KCNQ1OT1: variants seen among roughly 807,000 people sequenced by gnomAD.
KCNQ1OT1 encodes the protein KCNQ1 opposite strand/antisense transcript 1, also known as KCNQ1 antisense RNA 2 (non-protein coding).
At chr11:2,660,714 GCTTCATTCAACA>G (rs1184611504) in exon 1 of KCNQ1OT1, 2 of 398,614 alleles carry the variant, frequency 5.0e-6, no homozygotes, top group Non-Finnish European at 8.8e-6. Flanking sequence ...CTTCATTCGG[GCTTCATTCAACA>G]CTTCATTCAG....
At chr11:2,649,790 A>G (rs373144795) in exon 1 of KCNQ1OT1, 1 of 398,408 alleles carries the variant, frequency 2.5e-6, no homozygotes. Flanking sequence ...TTAGGGTTGA[A>G]TCTATTTAGG....
exon 1 of KCNQ1OT1, chr11:2,667,466 G>C: frequency 2.5e-6 from 1 of 398,642 alleles, no homozygotes. Flanking sequence ...AGCAGATGGT[G>C]TTGGAGGATG....
At chr11:2,641,938 C>T in exon 1 of KCNQ1OT1, 1 of 398,414 alleles carries the variant, frequency 2.5e-6, no homozygotes, top group East Asian at 3.6e-5. Context: ...AATCAGTTGG[C>T]TGTAAATACA....
exon 1 of KCNQ1OT1, chr11:2,640,210 T>C (rs549880737): frequency 6.3e-5 from 25 of 393,710 alleles, no homozygotes; most frequent in Non-Finnish European, 4.5e-6. Context: ...CTGCACCCAC[T>C]GTCCTGTACC....
rs1055097800 is a variant in KCNQ1OT1, at chr11:2,690,128, G to A, written n.9867C>T. ...CCGGGGTTAGAACTGGGGGAGCAGG[G>A]ACAAAAAGCGGGCAGCCCTCCCCAG... is the stretch of plus-strand genomic sequence containing the variant. On this transcript the variant is annotated non_coding_transcript_exon_variant, in exon 1 of 1. Coordinates refer to ENST00000597346, the Ensembl canonical transcript of KCNQ1OT1. The surrounding 1 kb of genome is among the most constrained non-coding windows in gnomAD (Gnocchi z 5.1). The A allele has an allele frequency of 5.0e-6, 2 of 398,854 alleles. No individual in the cohort carries two copies. Among genetic ancestry groups the A allele is most frequent in the Admixed American group, 4.4e-5 (1 of 22,724 alleles). 24.7% of individuals were successfully genotyped at this position (398,854 alleles called of 1,614,324 possible).
In KCNQ1OT1 at chr11:2,663,019, G is replaced by C. The variant is rs548858548; in HGVS notation, n.36976C>G. 9 of 398,722 alleles carry C rather than the reference G, an allele frequency of 2.3e-5. No individual in the cohort carries two copies. In the East Asian group the frequency reaches 2.5e-4, roughly 11 times the overall value. The allele number at this position is 398,722 out of a possible 1,614,324, so 24.7% of individuals were successfully genotyped here. A position where few individuals can be genotyped will look rare whatever the true frequency, so the allele number is the denominator to read the frequency against. On this transcript the variant is annotated non_coding_transcript_exon_variant, in exon 1 of 1. Coordinates refer to ENST00000597346, the Ensembl canonical transcript of KCNQ1OT1. This position sits in a 1 kb window ranked among gnomAD's most constrained non-coding sequence, Gnocchi z 5.2. ...CCTTGCAAATCACTGAGGAAATCGGGACCCATGGTGCTGGGGGCTGCAGGT... is the reference window on the plus strand; with the variant it reads ...CCTTGCAAATCACTGAGGAAATCGGCACCCATGGTGCTGGGGGCTGCAGGT...
Position 2,621,641 on chromosome 11 carries a change from T to A in KCNQ1OT1, n.78354A>T. 2.5e-6 allele frequency: 1 copy of A among 398,544 alleles called. No homozygotes were observed. The allele number at this position is 398,544 out of a possible 1,614,324, so 24.7% of individuals were successfully genotyped here. ...GGTTTTTTTCTAGGAATTTGTCCAT[T>A]TCCTCTAGGTTATCCAATTTGTTGG... On this transcript the variant is annotated non_coding_transcript_exon_variant, in exon 1 of 1. Coordinates refer to ENST00000597346, the Ensembl canonical transcript of KCNQ1OT1. This position sits in a 1 kb window ranked among gnomAD's most constrained non-coding sequence, Gnocchi z 5.7.
At position 2,692,848 on chromosome 11, in the gene KCNQ1OT1, T is replaced by C. The variant is rs147775239; in HGVS notation, n.7147A>G. The C allele has an allele frequency of 1.8e-3, 706 of 398,554 alleles. No individual in the cohort carries two copies. Among genetic ancestry groups the C allele is most frequent in the Admixed American group, 3.9e-3 (88 of 22,742 alleles). 24.7% of individuals were successfully genotyped at this position (398,554 alleles called of 1,614,324 possible). On this transcript the variant is annotated non_coding_transcript_exon_variant, in exon 1 of 1. Transcript: ENST00000597346. ...TGATCATTCCCCTGCCTGTTAGACA[T>C]AATTCACTGCCTGGGAAGGCACTGT...
At position 2,647,562 on chromosome 11, in the gene KCNQ1OT1, CTG is replaced by C. The variant is rs1301408344; in HGVS notation, n.52431_52432del. ...TTTCTCTTCAGTCTTTTGGAATTGT[CTG>C]AGAAGAATTCATGTTAGTTCTTTAA... is the stretch of plus-strand genomic sequence containing the variant. On this transcript the variant is annotated non_coding_transcript_exon_variant, in exon 1 of 1. Transcript: ENST00000597346. This position sits in a 1 kb window ranked among gnomAD's most constrained non-coding sequence, Gnocchi z 4.0. 5 of 398,340 alleles carry C rather than the reference CTG, an allele frequency of 1.3e-5. No individual in the cohort carries two copies. The highest frequency in any genetic ancestry group is 1.8e-5 in the Non-Finnish European group (4 of 226,048). The allele number at this position is 398,340 out of a possible 1,614,324, so 24.7% of individuals were successfully genotyped here. A position where few individuals can be genotyped will look rare whatever the true frequency, so the allele number is the denominator to read the frequency against.
exon 1 of KCNQ1OT1, chr11:2,622,702 G>T (rs908675495): frequency 5.0e-6 from 2 of 398,384 alleles, no homozygotes; most frequent in Non-Finnish European, 8.8e-6. Flanking sequence ...CTGTATGTGT[G>T]TATGTGTATT....
At chr11:2,660,202 A>C in exon 1 of KCNQ1OT1, 1 of 398,244 alleles carries the variant, frequency 2.5e-6, no homozygotes, top group Non-Finnish European at 4.4e-6. Context: ...TTTTTCAGTA[A>C]GTTTGTATGT....
rs1850563065 is a variant in KCNQ1OT1 at position 2,690,057 on chromosome 11, G to A, written n.9938C>T. On this transcript the variant is annotated non_coding_transcript_exon_variant, in exon 1 of 1. Transcript: ENST00000597346. The surrounding 1 kb of genome is among the most constrained non-coding windows in gnomAD (Gnocchi z 5.1). ...GCCCTGCCTCTCCTCCCCTCTCCTA[G>A]CCTGCTTCTGTCTGGGCTGAAGGCA... 5.0e-6 allele frequency: 2 copies of A among 398,922 alleles called. No individual in the cohort carries two copies. The highest frequency in any genetic ancestry group is 8.8e-6 in the Non-Finnish European group (2 of 226,286). The allele number at this position is 398,922 out of a possible 1,614,324, so 24.7% of individuals were successfully genotyped here.
At position 2,685,838 on chromosome 11, in the gene KCNQ1OT1, C is replaced by T. The variant is rs1309589556; in HGVS notation, n.14157G>A. 1.3e-5 allele frequency: 5 copies of T among 398,576 alleles called. No individual in the cohort carries two copies. In the Admixed American group the frequency reaches 1.3e-4, roughly 11 times the overall value. The allele number at this position is 398,576 out of a possible 1,614,324, so 24.7% of individuals were successfully genotyped here. A position where few individuals can be genotyped will look rare whatever the true frequency, so the allele number is the denominator to read the frequency against. On this transcript the variant is annotated non_coding_transcript_exon_variant, in exon 1 of 1. Transcript: ENST00000597346. ...TTCCTACTAGAACGAGGCTGTTTCC[C>T]AGGCTGCCTCCTGCTTCACCCAGGA...
exon 1 of KCNQ1OT1, chr11:2,609,215 T>C (rs1317873598): frequency 2.5e-5 from 10 of 398,184 alleles, no homozygotes; most frequent in Non-Finnish European, 3.1e-5. Flanking sequence ...AGTTCTGTTA[T>C]GTTGTATCTT....
At position 2,697,128 on chromosome 11, in the gene KCNQ1OT1, A is replaced by G. The variant is rs149918584; in HGVS notation, n.2867T>C. The stretch of plus-strand genomic sequence containing the variant: ...CTCACAAAGATAAAGAGTTTTCCAG[A>G]GGCAGCACACCATGACCCCAGTGGA... On this transcript the variant is annotated non_coding_transcript_exon_variant, in exon 1 of 1. Transcript: ENST00000597346. 28 of 398,634 alleles carry G rather than the reference A, an allele frequency of 7.0e-5. 1 individual carries two copies. The East Asian group carries it at 1.0e-3, about 14-fold the overall frequency. 24.7% of individuals were successfully genotyped at this position (398,634 alleles called of 1,614,324 possible).
exon 1 of KCNQ1OT1, chr11:2,666,413 G>T (rs917346596): frequency 7.5e-6 from 3 of 398,546 alleles, no homozygotes; most frequent in South Asian, 1.3e-4. Context: ...AAACAGCCCC[G>T]TGTGCGTTAA....
At position 2,695,584 on chromosome 11, in the gene KCNQ1OT1, G is replaced by C. The variant is rs551114818; in HGVS notation, n.4411C>G. 1 of 398,524 alleles carries C rather than the reference G, an allele frequency of 2.5e-6. No homozygotes were observed. The highest frequency in any genetic ancestry group is 3.6e-5 in the East Asian group (1 of 28,072). The allele number at this position is 398,524 out of a possible 1,614,324, so 24.7% of individuals were successfully genotyped here. On this transcript the variant is annotated non_coding_transcript_exon_variant, in exon 1 of 1. Coordinates refer to ENST00000597346, the Ensembl canonical transcript of KCNQ1OT1. This position sits in a 1 kb window ranked among gnomAD's most constrained non-coding sequence, Gnocchi z 5.2. ...TGAGCATGCACACACACAGCCTCTC[G>C]TTGTTCTGGGTGAGAACTGCTCCAG...
Position 2,687,144 on chromosome 11 carries a change from G to A in KCNQ1OT1, n.12851C>T, listed in dbSNP as rs560846750. ...CTGCACAGGGAGGGGAGGAATCTGA[G>A]CCAGCTTCCTCCACAAAGCACAGAA... On this transcript the variant is annotated non_coding_transcript_exon_variant, in exon 1 of 1. Coordinates refer to ENST00000597346, the Ensembl canonical transcript of KCNQ1OT1. The surrounding 1 kb of genome is among the most constrained non-coding windows in gnomAD (Gnocchi z 5.0). 1.0e-4 allele frequency: 41 copies of A among 398,652 alleles called. No individual in the cohort carries two copies. The highest frequency in any genetic ancestry group is 8.0e-4 in the African/African-American group (39 of 48,752). 24.7% of individuals were successfully genotyped at this position (398,652 alleles called of 1,614,324 possible).
At position 2,687,184 on chromosome 11, in the gene KCNQ1OT1, C is replaced by T. The variant is rs1222021052; in HGVS notation, n.12811G>A. 6 of 398,548 alleles carry T rather than the reference C, an allele frequency of 1.5e-5. No individual in the cohort carries two copies. The highest frequency in any genetic ancestry group is 6.2e-4 in the Middle Eastern group (1 of 1,610). The allele number at this position is 398,548 out of a possible 1,614,324, so 24.7% of individuals were successfully genotyped here. ...AAAGCACAGAAGTCTGCCAAAAGCC[C>T]AGGCTGGATAGGGAGCATCACACTG... On this transcript the variant is annotated non_coding_transcript_exon_variant, in exon 1 of 1. Coordinates refer to ENST00000597346, the Ensembl canonical transcript of KCNQ1OT1. This position sits in a 1 kb window ranked among gnomAD's most constrained non-coding sequence, Gnocchi z 5.0.
Sources: allele counts gnomAD v4.1 joint callset, GRCh38; gene constraint gnomAD v4.1.1; non-coding constraint Gnocchi (gnomAD v3.1); transcripts MANE v1.5; gene names NCBI Gene and HGNC (gene_info 2026-07-23, HGNC 2026-07-21).